PTK2: variants seen among roughly 807,000 people sequenced by gnomAD.
PTK2 encodes the protein focal adhesion kinase 1.
In PTK2, 45 loss-of-function variants were observed where a neutral mutation model predicts 150.1. The ratio of observed to expected loss-of-function variants is 0.30; its 90% CI spans 0.24 to 0.38. PTK2 has a LOEUF of 0.38. PTK2 is among the 10% of genes least tolerant of loss of function. The pLI is 1.00. For synonymous variants in PTK2, 432 were observed against 449.2 expected (o/e 0.96, Z 0.48); for missense variants, 919 against 1,307.3 (o/e 0.70, Z 4.58).
intron 2 of PTK2, among the ~76,000 whole-genome samples, chr8:140,908,256 G>C (rs1331143027): frequency 6.6e-6 from 1 of 152,210 alleles, no homozygotes; most frequent in African/African-American, 2.4e-5. Context: ...CTCATCTTCA[G>C]TTCTATAAAT....
chr8:140,752,876 A>C (rs949724114), intron 16 of PTK2, among the ~76,000 whole-genome samples: 4 of 152,208 alleles, frequency 2.6e-5, no homozygotes, highest in Admixed American at 6.5e-5. Flanking sequence ...TAGCGTGCTC[A>C]AGGAACATGA....
chr8:140,823,033 G>C (rs2100109740), intron 8 of PTK2, among the ~76,000 whole-genome samples: 1 of 152,020 alleles, frequency 6.6e-6, no homozygotes, highest in South Asian at 2.1e-4. Flanking sequence ...CCATCTACAA[G>C]TATTAATAGA....
At chr8:140,671,938 G>T (rs555375827) in intron 29 of PTK2, among the ~76,000 whole-genome samples, 2 of 107,222 alleles carry the variant, frequency 1.9e-5, no homozygotes, top group South Asian at 7.8e-4. Context: ...TCTCAGGGGG[G>T]CGGGGGGCGG....
At position 140,994,393 on chromosome 8, in the gene PTK2, A is replaced by C. The variant is rs557360804; in HGVS notation, c.-122+6732T>G. Among the ~76,000 whole-genome samples the C allele has an allele frequency of 9.2e-5, 14 of 152,382 alleles. No homozygotes were observed. The South Asian group carries it at 2.9e-3, about 32-fold the overall frequency. On this transcript the variant is annotated intron_variant, in intron 1 of 31. Transcript: ENST00000522684. The stretch of plus-strand genomic sequence containing the variant: ...GCAACCCTGCATCGAGCAAGTCATC[A>C]GTGCCATTTATTCAACAGCATGTGC...
chr8:140,968,878 C>T (rs1342222458), intron 1 of PTK2, among the ~76,000 whole-genome samples: 1 of 152,194 alleles, frequency 6.6e-6, no homozygotes, highest in East Asian at 1.9e-4. Flanking sequence ...ATAATTCGAG[C>T]AGCAACTCCT....
At chr8:140,790,299 C>T (rs968172456) in intron 13 of PTK2, among the ~76,000 whole-genome samples, 8 of 152,144 alleles carry the variant, frequency 5.3e-5, no homozygotes, top group African/African-American at 1.7e-4. Context: ...ATGCTTGGAA[C>T]AAGAGTGTTT....
At chr8:140,725,828 A>C (rs2100045404) in intron 22 of PTK2, among the ~76,000 whole-genome samples, 1 of 151,360 alleles carries the variant, frequency 6.6e-6, no homozygotes, top group Non-Finnish European at 1.5e-5. Flanking sequence ...GATATAATCT[A>C]ACATTCCTTG....
chr8:140,743,121 T>A, intron 20 of PTK2, 109 bp downstream of exon 23: 1 of 754,880 alleles, frequency 1.3e-6, no homozygotes, highest in South Asian at 2.2e-5. Flanking sequence ...TCCATTTAGT[T>A]GATTTTATAT....
chr8:140,839,729 T>C (rs2100121169), intron 7 of PTK2, among the ~76,000 whole-genome samples: 1 of 151,602 alleles, frequency 6.6e-6, no homozygotes. Flanking sequence ...ACACGAAAAA[T>C]GTAAGAGACA....
intron 10 of PTK2, among the ~76,000 whole-genome samples, chr8:140,808,890 G>A (rs548501176): frequency 7.9e-5 from 12 of 151,922 alleles, no homozygotes; most frequent in South Asian, 2.1e-4. Flanking sequence ...GCGCCACCAC[G>A]CCTGGCTAAT....
chr8:140,797,928 G>A (rs2100092676), intron 12 of PTK2, among the ~76,000 whole-genome samples: 1 of 152,110 alleles, frequency 6.6e-6, no homozygotes, highest in Admixed American at 6.6e-5. Context: ...TTACAGACAT[G>A]AGCCACTATG....
intron 14 of PTK2, among the ~76,000 whole-genome samples, chr8:140,771,997 T>C (rs148239705): frequency 0.027 from 4,044 of 151,782 alleles, 187 homozygotes; most frequent in African/African-American, 0.094. Context: ...CCATGTTGGC[T>C]AGGTTGGTCT....
At chr8:140,801,741 C>A (rs1441562937) in intron 11 of PTK2, among the ~76,000 whole-genome samples, 1 of 152,110 alleles carries the variant, frequency 6.6e-6, no homozygotes, top group Non-Finnish European at 1.5e-5. Flanking sequence ...CAGAGAATAT[C>A]ATGGACAACA....
intron 1 of PTK2, among the ~76,000 whole-genome samples, chr8:140,950,446 A>G (rs2100179195): frequency 6.6e-6 from 1 of 152,252 alleles, no homozygotes; most frequent in Non-Finnish European, 1.5e-5. Flanking sequence ...CACCTGTGCC[A>G]GTGCCTGGAG....
Position 140,685,029 on chromosome 8 carries a change from C to T in PTK2, c.2562+1603G>A, listed in dbSNP as rs112894288. Among the ~76,000 whole-genome samples, 386 of 152,220 alleles carry T rather than the reference C, an allele frequency of 2.5e-3. 7 individuals carry two copies. The highest frequency in any genetic ancestry group is 8.7e-3 in the African/African-American group (362 of 41,546). ...CTATAGTAACCAAAACATCATGGTA[C>T]TGGTACAAAAACAGACACACAGACC... On this transcript the variant is annotated intron_variant, in intron 27 of 31. Transcript: ENST00000522684.
intron 1 of PTK2, among the ~76,000 whole-genome samples, chr8:140,960,156 G>GA (rs1445711099): frequency 2.7e-5 from 4 of 146,284 alleles, no homozygotes; most frequent in Non-Finnish European, 4.5e-5. Context: ...GTATTAGAAG[G>GA]AAAAAAACAC....
chr8:140,847,326 CTAAAG>C (rs1209096959), intron 5 of PTK2, among the ~76,000 whole-genome samples: 5 of 152,070 alleles, frequency 3.3e-5, no homozygotes, highest in African/African-American at 7.2e-5. Context: ...AGCTTAAAGT[CTAAAG>C]TAAAGAGAAG....
At chr8:140,966,456 C>T (rs578253548) in intron 1 of PTK2, among the ~76,000 whole-genome samples, 1 of 151,934 alleles carries the variant, frequency 6.6e-6, no homozygotes, top group East Asian at 1.9e-4. Context: ...CAACTTAATG[C>T]ATGTTGAATC....
intron 23 of PTK2, among the ~76,000 whole-genome samples, chr8:140,711,217 G>A (rs1188425046): frequency 1.3e-5 from 2 of 152,002 alleles, no homozygotes; most frequent in Non-Finnish European, 2.9e-5. Flanking sequence ...AGCGATTCTC[G>A]TGCCTCAGCC....
Sources: gnomAD v4.1 joint callset for allele counts (sites outside exome capture counted in the v4.1 genomes callset) on GRCh38, gnomAD v4.1.1 for gene constraint, MANE v1.5 for transcripts, NCBI Gene and HGNC (gene_info 2026-07-23, HGNC 2026-07-21) for gene names.